GOLPH3: variants seen among roughly 807,000 people sequenced by gnomAD.
GOLPH3 encodes the protein coat protein GPP34.
In GOLPH3, 14 loss-of-function variants were observed where a neutral mutation model predicts 28.5. The observed-to-expected ratio is 0.49, with a 90% confidence interval of 0.32 to 0.77. The LOEUF is 0.77. Among genes scored for constraint, GOLPH3 ranks in the 30% least tolerant of loss-of-function variants. The pLI is 0.03. For synonymous variants in GOLPH3, 158 were observed against 159.2 expected (o/e 0.99, Z 0.06); for missense variants, 350 against 393.7 (o/e 0.89, Z 0.94).
At chr5:32,142,819 G>C (rs1423411973) in intron 2 of GOLPH3, among the ~76,000 whole-genome samples, 2 of 145,916 alleles carry the variant, frequency 1.4e-5, no homozygotes, top group African/African-American at 5.1e-5. Flanking sequence ...CCGTCCAGGA[G>C]GGAGGTGGGG....
At chr5:32,173,455 G>C (rs942341525) in intron 1 of GOLPH3, among the ~76,000 whole-genome samples, 17 of 152,036 alleles carry the variant, frequency 1.1e-4, no homozygotes, top group Admixed American at 8.5e-4. Context: ...TAGTTTCCCG[G>C]GCAGTCTCCG....
At chr5:32,162,806 C>T (rs575799007) in intron 1 of GOLPH3, among the ~76,000 whole-genome samples, 3 of 151,946 alleles carry the variant, frequency 2.0e-5, no homozygotes, top group East Asian at 1.9e-4. Context: ...TGGCCGGGCG[C>T]GGTGGCTCAC....
rs1201832919 is a variant in GOLPH3 at position 32,126,077 on chromosome 5, A to G, written c.*135T>C. ...AATCCTGTACACGTACAAAAAAGAAAAAGCCACCCACCATTTTGTAAAACA... is the reference window on the plus strand; with the variant it reads ...AATCCTGTACACGTACAAAAAAGAAGAAGCCACCCACCATTTTGTAAAACA... On this transcript the variant is annotated 3_prime_UTR_variant, in exon 4 of 4. Transcript: ENST00000265070. The G allele has an allele frequency of 1.1e-6, 1 of 905,960 alleles. No homozygotes were observed. The highest frequency in any genetic ancestry group is 1.7e-6 in the Non-Finnish European group (1 of 589,778). 56.1% of individuals were successfully genotyped at this position (905,960 alleles called of 1,614,324 possible).
chr5:32,131,163 T>G lies in GOLPH3; in HGVS notation c.472+4409A>C, dbSNP rs1422324075. 2.0e-5 allele frequency among the ~76,000 whole-genome samples: 3 copies of G among 152,280 alleles called. No individual in the cohort carries two copies. In the East Asian group the frequency reaches 5.8e-4, roughly 29 times the overall value. Reference sequence around the variant, plus strand: ...CAACAAATAGACGGTTATTCAGATCTCCTCAAGTATTAGAGAAAAATAAAG... The same window carrying G: ...CAACAAATAGACGGTTATTCAGATCGCCTCAAGTATTAGAGAAAAATAAAG... On this transcript the variant is annotated intron_variant, in intron 3 of 3. Transcript: ENST00000265070.
At chr5:32,157,818 A>G (rs901482532) in intron 1 of GOLPH3, among the ~76,000 whole-genome samples, 7 of 151,820 alleles carry the variant, frequency 4.6e-5, no homozygotes, top group South Asian at 2.1e-4. Context: ...TCGCTACTAA[A>G]AATACAAAAT....
chr5:32,173,619 A>C lies in GOLPH3; in HGVS notation c.225+191T>G, dbSNP rs951387682. On this transcript the variant is annotated intron_variant, in intron 1 of 3. Transcript: ENST00000265070. ...TCTCTACGGGGAGGATCCAGAAAGC[A>C]CCAGCCGCGCCAGGGGGTCAACCAA... The C allele has an allele frequency of 7.6e-6, 3 of 392,824 alleles. No homozygotes were observed. In the South Asian group the frequency reaches 3.0e-4, roughly 39 times the overall value. 24.3% of individuals were successfully genotyped at this position (392,824 alleles called of 1,614,324 possible).
At chr5:32,143,632 GAAGA>G in intron 2 of GOLPH3, 113 bp downstream of exon 2, 1 of 901,300 alleles carries the variant, frequency 1.1e-6, no homozygotes, top group Non-Finnish European at 1.7e-6. Flanking sequence ...AAATACAATT[GAAGA>G]AAGACAACTT....
chr5:32,155,026 T>C (rs1279443663), intron 1 of GOLPH3, among the ~76,000 whole-genome samples: 2 of 142,470 alleles, frequency 1.4e-5, no homozygotes, highest in African/African-American at 5.4e-5. Flanking sequence ...AAGGTTGCAG[T>C]GGACAGAGGT....
chr5:32,161,111 G>C (rs901595769), intron 1 of GOLPH3, among the ~76,000 whole-genome samples: 3 of 125,488 alleles, frequency 2.4e-5, no homozygotes, highest in African/African-American at 9.4e-5. Context: ...GCATCAAAAA[G>C]ATAAGGTGAG....
At chr5:32,128,889 C>A (rs1745758137) in intron 3 of GOLPH3, among the ~76,000 whole-genome samples, 1 of 151,778 alleles carries the variant, frequency 6.6e-6, no homozygotes, top group South Asian at 2.1e-4. Context: ...CAGAAACAGT[C>A]CCAGCCTGGG....
At chr5:32,145,145 T>G (rs527873831) in intron 1 of GOLPH3, among the ~76,000 whole-genome samples, 32 of 152,320 alleles carry the variant, frequency 2.1e-4, no homozygotes, top group African/African-American at 7.7e-4. Flanking sequence ...TTGAGGTCCA[T>G]CAAACTTCAT....
chr5:32,142,272 G>C (rs1162836789), intron 2 of GOLPH3, among the ~76,000 whole-genome samples: 1 of 150,802 alleles, frequency 6.6e-6, no homozygotes, highest in Non-Finnish European at 1.5e-5. Flanking sequence ...TCCGGGATGT[G>C]AGGAGCATCT....
chr5:32,169,840 T>C (rs1338785515), intron 1 of GOLPH3, among the ~76,000 whole-genome samples: 4 of 152,154 alleles, frequency 2.6e-5, no homozygotes, highest in East Asian at 1.9e-4. Context: ...TAAATACTTA[T>C]GCACTGATTC....
chr5:32,173,684 C>G (rs149142402), intron 1 of GOLPH3, 126 bp downstream of exon 1: 2 of 595,624 alleles, frequency 3.4e-6, no homozygotes, highest in East Asian at 7.6e-5. Flanking sequence ...CCACCAGGCG[C>G]GGACTTCGGA....
intron 1 of GOLPH3, among the ~76,000 whole-genome samples, chr5:32,162,277 G>C (rs1046722192): frequency 6.6e-6 from 1 of 150,834 alleles, no homozygotes; most frequent in East Asian, 1.9e-4. Context: ...CGGATCACGA[G>C]GTCAGGAGAT....
intron 1 of GOLPH3, among the ~76,000 whole-genome samples, chr5:32,163,308 T>C (rs1345829034): frequency 2.0e-5 from 3 of 152,196 alleles, no homozygotes; most frequent in African/African-American, 7.2e-5. Flanking sequence ...CAGGATAAAG[T>C]TAATAATTCA....
chr5:32,140,163 A>C (rs1052916377), intron 2 of GOLPH3, among the ~76,000 whole-genome samples: 2 of 152,106 alleles, frequency 1.3e-5, no homozygotes, highest in Non-Finnish European at 2.9e-5. Flanking sequence ...CAAGGATAAC[A>C]GAAGATCCCA....
chr5:32,173,043 T>A (rs150483402), intron 1 of GOLPH3, among the ~76,000 whole-genome samples: 2,040 of 152,262 alleles, frequency 0.013, 20 homozygotes, highest in Non-Finnish European at 0.021. Flanking sequence ...AATTATCTAT[T>A]GCAACTTCAA....
At chr5:32,142,909 G>A (rs1403690999) in intron 2 of GOLPH3, among the ~76,000 whole-genome samples, 1 of 151,718 alleles carries the variant, frequency 6.6e-6, no homozygotes, top group Non-Finnish European at 1.5e-5. Context: ...ACTGGGAAGT[G>A]AGGAGCCCCT....
Sources: gnomAD v4.1 joint callset for allele counts (sites outside exome capture counted in the v4.1 genomes callset) on GRCh38, gnomAD v4.1.1 for gene constraint, MANE v1.5 for transcripts, NCBI Gene and HGNC (gene_info 2026-07-23, HGNC 2026-07-21) for gene names.